Variants in ADGB observed in about 807,000 individuals in gnomAD.
ADGB encodes the protein calpain-7-like protein.
ADGB carries 172 observed loss-of-function variants against 210.5 expected under a neutral mutation model. The ratio of observed to expected loss-of-function variants is 0.82; its 90% CI spans 0.72 to 0.93. The LOEUF (loss-of-function observed/expected upper bound fraction) is 0.93. ADGB is among the 40% of genes least tolerant of loss of function. The pLI is 0.00. For synonymous variants in ADGB, 658 were observed against 662.7 expected (o/e 0.99, Z 0.11); for missense variants, 2,025 against 1,964.8 (o/e 1.03, Z -0.58).
intron 7 of ADGB, among the ~76,000 whole-genome samples, chr6:146,667,483 G>C (rs1775952088): frequency 6.6e-6 from 1 of 151,868 alleles, no homozygotes; most frequent in Admixed American, 6.6e-5. Context: ...GCAAATAGAG[G>C]GAAAACAGAG....
intron 28 of ADGB, among the ~76,000 whole-genome samples, chr6:146,765,481 C>T (rs181555973): frequency 9.4e-4 from 143 of 151,602 alleles, no homozygotes; most frequent in Non-Finnish European, 1.9e-3. Flanking sequence ...TAAATGGAAG[C>T]CTCAATAAAA....
chr6:146,807,270 T>C (rs1778225758), intron 35 of ADGB: 3 of 884,546 alleles, frequency 3.4e-6, no homozygotes, highest in Non-Finnish European at 5.1e-6. Flanking sequence ...CATACACTAA[T>C]TTTCATCTTC....
At chr6:146,620,468 C>G (rs1780871734) in intron 1 of ADGB, among the ~76,000 whole-genome samples, 1 of 151,906 alleles carries the variant, frequency 6.6e-6, no homozygotes, top group Admixed American at 6.6e-5. Flanking sequence ...TCTTCACTCA[C>G]TTTTATTCTT....
rs1379415133 is a variant in ADGB, at chr6:146,691,467, TATATATATAA to T, written c.1486+187_1486+196del. On this transcript the variant is annotated intron_variant, in intron 11 of 35. Transcript: ENST00000397944. ...AAAAATATATATATATAAAAATATA[TATATATATAA>T]ATATATATATATATATATATATATT... Among the ~76,000 whole-genome samples, 411 of 58,018 alleles carry T rather than the reference TATATATATAA, an allele frequency of 7.1e-3. 76 individuals carry two copies. The highest frequency in any genetic ancestry group is 0.061 in the African/African-American group (378 of 6,178). 38.1% of individuals were successfully genotyped at this position (58,018 alleles called of 152,430 possible). A position where few individuals can be genotyped will look rare whatever the true frequency, so the allele number is the denominator to read the frequency against.
At chr6:146,635,263 G>T in intron 1 of ADGB, 112 bp from the exon 2 acceptor site, 1 of 939,166 alleles carries the variant, frequency 1.1e-6, no homozygotes, top group Non-Finnish European at 1.4e-6. Context: ...TATTAAAAAT[G>T]TAGTTAGTAT....
intron 5 of ADGB, among the ~76,000 whole-genome samples, chr6:146,660,575 A>G (rs1171374490): frequency 6.6e-6 from 1 of 152,150 alleles, no homozygotes; most frequent in African/African-American, 2.4e-5. Context: ...CTATGCTAAT[A>G]TATATTGATC....
At chr6:146,616,744 G>A (rs926818829) in intron 1 of ADGB, among the ~76,000 whole-genome samples, 6 of 152,214 alleles carry the variant, frequency 3.9e-5, no homozygotes, top group East Asian at 1.9e-4. Flanking sequence ...GGCTGTAAAT[G>A]TGTGGAATTA....
rs1776303823 is a variant in ADGB at position 146,691,291 on chromosome 6, G to A, written c.1486+1G>A. ...ACTGTTATAACAGATGAAGCTCAAG[G>A]TATGTATCACATCATCTTCAAATCC... On this transcript the variant is annotated splice_donor_variant, in intron 11 of 35. Transcript: ENST00000397944. LOFTEE classifies it high-confidence loss of function. 7 of 1,538,380 alleles carry A rather than the reference G, an allele frequency of 4.6e-6. No homozygotes were observed. Among genetic ancestry groups the A allele is most frequent in the Non-Finnish European group, 6.1e-6 (7 of 1,143,024 alleles).
intron 35 of ADGB, chr6:146,803,379 T>C: frequency 6.2e-7 from 1 of 1,607,878 alleles, no homozygotes; most frequent in Middle Eastern, 1.7e-4. Flanking sequence ...TTTTTCAGTC[T>C]GGTGGCCTGC....
rs1040827726 is a variant in ADGB at position 146,715,489 on chromosome 6, G to A, written c.1741+74G>A. 8 of 1,051,662 alleles carry A rather than the reference G, an allele frequency of 7.6e-6. No homozygotes were observed. The African/African-American group carries it at 1.3e-4, about 18-fold the overall frequency. 65.1% of individuals were successfully genotyped at this position (1,051,662 alleles called of 1,614,324 possible). On this transcript the variant is annotated intron_variant, in intron 14 of 35. Transcript: ENST00000397944. ...AGAGGGGCATCTCTGCTTCTTGACAGCTTCCCTTCTGGCTCTCAGCAGCCT... is the reference window on the plus strand; with the variant it reads ...AGAGGGGCATCTCTGCTTCTTGACAACTTCCCTTCTGGCTCTCAGCAGCCT...
chr6:146,604,785 G>C (rs1780608494), intron 1 of ADGB, among the ~76,000 whole-genome samples: 1 of 152,146 alleles, frequency 6.6e-6, no homozygotes, highest in Admixed American at 6.5e-5. Context: ...AGGAAATATA[G>C]AGTAATGCCA....
chr6:146,634,035 C>T (rs565756440), intron 1 of ADGB, among the ~76,000 whole-genome samples: 43 of 152,134 alleles, frequency 2.8e-4, no homozygotes, highest in Non-Finnish European at 5.7e-4. Flanking sequence ...GTGTGCTATA[C>T]AGGTGTACCA....
At chr6:146,654,090 A>G in intron 3 of ADGB, 45 bp from the exon 4 acceptor site, 1 of 1,246,588 alleles carries the variant, frequency 8.0e-7, no homozygotes, top group South Asian at 1.5e-5. Context: ...TTACTTTTTT[A>G]TTATTTTTCT....
chr6:146,703,510 C>G (rs560490534), intron 13 of ADGB, among the ~76,000 whole-genome samples: 1 of 151,732 alleles, frequency 6.6e-6, no homozygotes, highest in Non-Finnish European at 1.5e-5. Context: ...CAGTATTTTC[C>G]CAATCACCCA....
At chr6:146,607,368 A>G (rs1282745553) in intron 1 of ADGB, among the ~76,000 whole-genome samples, 1 of 152,106 alleles carries the variant, frequency 6.6e-6, no homozygotes, top group Non-Finnish European at 1.5e-5. Context: ...CTCTATTCCT[A>G]TTTGTATGCC....
intron 16 of ADGB, among the ~76,000 whole-genome samples, chr6:146,720,414 G>T (rs898281564): frequency 6.6e-6 from 1 of 152,194 alleles, no homozygotes. Flanking sequence ...AGGATGAACC[G>T]AAATTATATA....
rs958207602 is a variant in ADGB, at chr6:146,680,097, C to T, written c.1216+3656C>T. On this transcript the variant is annotated intron_variant, in intron 9 of 35. Transcript: ENST00000397944. ...AAAACTGCTAGCTTTTCACAATTTC[C>T]TCCTCTTTCTAGGAACACAGTTTTG... 1.4e-4 allele frequency among the ~76,000 whole-genome samples: 21 copies of T among 152,104 alleles called. 1 individual carries two copies. Among genetic ancestry groups the T allele is most frequent in the African/African-American group, 5.1e-4 (21 of 41,440 alleles).
At chr6:146,746,899 G>A (rs986055137) in intron 26 of ADGB, among the ~76,000 whole-genome samples, 3 of 151,758 alleles carry the variant, frequency 2.0e-5, no homozygotes, top group African/African-American at 7.3e-5. Context: ...ATTTCCTCTT[G>A]TCCCATGTGT....
intron 1 of ADGB, among the ~76,000 whole-genome samples, chr6:146,612,693 C>A (rs1780728907): frequency 6.6e-6 from 1 of 152,044 alleles, no homozygotes; most frequent in Admixed American, 6.5e-5. Flanking sequence ...TGTCAGTAAG[C>A]TTTGTCATCT....
Sources: allele counts gnomAD v4.1 joint callset (sites outside exome capture counted in the v4.1 genomes callset), GRCh38; gene constraint gnomAD v4.1.1; transcripts MANE v1.5; gene names NCBI Gene and HGNC (gene_info 2026-07-23, HGNC 2026-07-21).